Variants in KCNAB1 observed in about 807,000 individuals in gnomAD.
The protein encoded by KCNAB1 is potassium voltage-gated channel subfamily A regulatory beta subunit 1.
In KCNAB1, 35 loss-of-function variants were observed where a neutral mutation model predicts 64.6. The observed-to-expected ratio is 0.54, with a 90% CI of 0.41 to 0.72. The LOEUF is 0.72. KCNAB1 is among the 30% of genes least tolerant of loss of function. The pLI is 0.00. For missense variants in KCNAB1, 401 were observed against 512.9 expected, an observed-to-expected ratio of 0.78 and a Z score of 2.11; for synonymous variants, 177 against 183.8, an observed-to-expected ratio of 0.96 and a Z score of 0.30.
intron 1 of KCNAB1, among the ~76,000 whole-genome samples, chr3:156,148,557 A>G (rs1428524042): frequency 1.3e-5 from 2 of 152,218 alleles, no homozygotes; most frequent in Admixed American, 6.5e-5. Flanking sequence ...CAGCTTCCAT[A>G]TCTGTAAAAT....
chr3:156,247,430 T>C (rs1403444121), intron 1 of KCNAB1, among the ~76,000 whole-genome samples: 1 of 152,232 alleles, frequency 6.6e-6, no homozygotes, highest in East Asian at 1.9e-4. Context: ...ACTTGGTTTT[T>C]TTTTGTACCT....
intron 2 of KCNAB1, among the ~76,000 whole-genome samples, chr3:156,428,393 C>T (rs1272452632): frequency 6.6e-6 from 1 of 151,774 alleles, no homozygotes; most frequent in Non-Finnish European, 1.5e-5. Flanking sequence ...TAGAACTATA[C>T]CATTAACTCC....
intron 1 of KCNAB1, among the ~76,000 whole-genome samples, chr3:156,186,260 A>G (rs949687905): frequency 6.6e-6 from 1 of 151,584 alleles, no homozygotes; most frequent in Non-Finnish European, 1.5e-5. Flanking sequence ...GAACCTGCCT[A>G]TTTTTTTTCT....
intron 11 of KCNAB1, among the ~76,000 whole-genome samples, chr3:156,518,249 C>T (rs1414615237): frequency 6.6e-6 from 1 of 152,188 alleles, no homozygotes; most frequent in East Asian, 1.9e-4. Context: ...GAGCTCTCAA[C>T]AGATGAAAGG....
At chr3:156,286,621 G>A (rs944658104) in intron 1 of KCNAB1, among the ~76,000 whole-genome samples, 11 of 152,176 alleles carry the variant, frequency 7.2e-5, no homozygotes, top group Non-Finnish European at 1.2e-4. Flanking sequence ...ATAAATTATC[G>A]TGAAGTATTT....
chr3:156,508,818 G>A lies in KCNAB1; in HGVS notation c.659-5546G>A, dbSNP rs1021001221. Among the ~76,000 whole-genome samples, 1 of 152,228 alleles carries A rather than the reference G, an allele frequency of 6.6e-6. No homozygotes were observed. Among genetic ancestry groups the A allele is most frequent in the Non-Finnish European group, 1.5e-5 (1 of 68,042 alleles). On this transcript the variant is annotated intron_variant, in intron 8 of 13. Transcript: ENST00000490337. This position sits in a 1 kb window ranked among gnomAD's most constrained non-coding sequence, Gnocchi z 4.1. Reference sequence around the variant, plus strand: ...TGCTAGGGATACAGGGAGTATGTACGAGAGCTGCCTGTGGCGGGTGAGCGC... The same window carrying A: ...TGCTAGGGATACAGGGAGTATGTACAAGAGCTGCCTGTGGCGGGTGAGCGC...
chr3:156,460,110 G>A lies in KCNAB1; in HGVS notation c.482+239G>A, dbSNP rs969063731. The A allele has an allele frequency of 9.7e-5, 42 of 433,858 alleles. No individual in the cohort carries two copies. The East Asian group carries it at 1.5e-3, about 16-fold the overall frequency. The allele number at this position is 433,858 out of a possible 1,614,324, so 26.9% of individuals were successfully genotyped here. On this transcript the variant is annotated intron_variant, in intron 5 of 13. Transcript: ENST00000490337. ...CAAAGAGTTGAGCAGAGAAGGGGGG[G>A]ATGTTCATGAAATATTTGTGCATGA...
At chr3:156,309,316 A>G (rs1030644502) in intron 1 of KCNAB1, among the ~76,000 whole-genome samples, 2 of 152,238 alleles carry the variant, frequency 1.3e-5, no homozygotes, top group East Asian at 3.9e-4. Flanking sequence ...ATACAGCTTT[A>G]TTAGCCTGAA....
chr3:156,471,276 C>T (rs1255370715), intron 7 of KCNAB1, among the ~76,000 whole-genome samples: 1 of 152,176 alleles, frequency 6.6e-6, no homozygotes. Context: ...CTGTGAAATA[C>T]ACTTAAATTG....
intron 1 of KCNAB1, among the ~76,000 whole-genome samples, chr3:156,411,958 T>C (rs1714696239): frequency 6.6e-6 from 1 of 152,182 alleles, no homozygotes; most frequent in Non-Finnish European, 1.5e-5. Context: ...AGTCCTTTGA[T>C]CAAATTGAGG....
chr3:156,287,411 G>A (rs13083584), intron 1 of KCNAB1, among the ~76,000 whole-genome samples: 42,719 of 150,424 alleles, frequency 0.28, 6,819 homozygotes, highest in African/African-American at 0.42. Flanking sequence ...TCAGTTTTAC[G>A]AAGTAATAAA....
At chr3:156,243,080 T>C (rs780192408) in intron 1 of KCNAB1, among the ~76,000 whole-genome samples, 3 of 150,166 alleles carry the variant, frequency 2.0e-5, no homozygotes, top group Non-Finnish European at 4.4e-5. Context: ...TGGCCAATTT[T>C]TGTATTTTTA....
Position 156,407,664 on chromosome 3 carries a change from A to G in KCNAB1, c.276-13952A>G, listed in dbSNP as rs565398251. On this transcript the variant is annotated intron_variant, in intron 1 of 13. Transcript: ENST00000490337. ...GAATTGAATTGTGCTGAAAGTCACT[A>G]TTGATTCAGCCTTTTTAGGCAACGT... is the stretch of plus-strand genomic sequence containing the variant. Among the ~76,000 whole-genome samples the G allele has an allele frequency of 2.0e-5, 3 of 152,330 alleles. No homozygotes were observed. In the South Asian group the frequency reaches 6.2e-4, roughly 32 times the overall value.
intron 1 of KCNAB1, among the ~76,000 whole-genome samples, chr3:156,356,336 C>T (rs1229519729): frequency 1.3e-5 from 2 of 151,870 alleles, no homozygotes; most frequent in Non-Finnish European, 2.9e-5. Context: ...AAAAGAAACA[C>T]ATCAAGTAAG....
intron 1 of KCNAB1, among the ~76,000 whole-genome samples, chr3:156,376,903 C>T (rs1711717330): frequency 1.3e-5 from 2 of 151,940 alleles, no homozygotes; most frequent in African/African-American, 4.8e-5. Context: ...GAGATGAGAT[C>T]GAGGACACAG....
chr3:156,510,336 A>G (rs1350630158), intron 8 of KCNAB1, among the ~76,000 whole-genome samples: 1 of 152,168 alleles, frequency 6.6e-6, no homozygotes, highest in Non-Finnish European at 1.5e-5. Context: ...TCTTCCCATG[A>G]TGGTTCTACA....
At chr3:156,371,958 G>A (rs962153311) in intron 1 of KCNAB1, among the ~76,000 whole-genome samples, 10 of 152,136 alleles carry the variant, frequency 6.6e-5, no homozygotes, top group Non-Finnish European at 1.2e-4. Flanking sequence ...GCAAACTGTT[G>A]ATAAAACCTT....
At chr3:156,394,841 C>A (rs987001343) in intron 1 of KCNAB1, among the ~76,000 whole-genome samples, 4 of 152,162 alleles carry the variant, frequency 2.6e-5, no homozygotes, top group African/African-American at 9.7e-5. Flanking sequence ...GTGTTCAATG[C>A]AAACTTGGAA....
intron 1 of KCNAB1, among the ~76,000 whole-genome samples, chr3:156,200,681 A>G (rs1379800826): frequency 6.6e-6 from 1 of 152,166 alleles, no homozygotes; most frequent in Non-Finnish European, 1.5e-5. Context: ...CGATCATCCC[A>G]GGTCAACTTC....
Sources: gnomAD v4.1 joint callset for allele counts (sites outside exome capture counted in the v4.1 genomes callset) on GRCh38, gnomAD v4.1.1 for gene constraint, Gnocchi (gnomAD v3.1) non-coding constraint, MANE v1.5 for transcripts, NCBI Gene and HGNC (gene_info 2026-07-23, HGNC 2026-07-21) for gene names.